Variants in SGCE observed in about 807,000 individuals in gnomAD.
SGCE encodes epsilon-sarcoglycan.
SGCE carries 26 observed loss-of-function variants against 57.8 expected under a neutral mutation model. The observed-to-expected ratio is 0.45, with a 90% CI of 0.33 to 0.62. The LOEUF (loss-of-function observed/expected upper bound fraction) is 0.62. Among genes scored for constraint, SGCE ranks in the 20% least tolerant of loss-of-function variants. The pLI, the probability that SGCE is intolerant of heterozygous loss-of-function variation, is 0.02. For missense variants in SGCE, 468 were observed against 548.6 expected, an observed-to-expected ratio of 0.85 and a Z score of 1.47; for synonymous variants, 183 against 189.5, an observed-to-expected ratio of 0.97 and a Z score of 0.28.
intron 3 of SGCE, chr7:94,626,931 A>G (rs1005367946): frequency 8.6e-5 from 13 of 152,040 alleles, no homozygotes; most frequent in Non-Finnish European, 1.8e-4. Flanking sequence ...CACTTTTTCC[A>G]TAACTATCAT....
chr7:94,603,237 A>T, intron 6 of SGCE, 53 bp downstream of exon 6: 1 of 1,448,462 alleles, frequency 6.9e-7, no homozygotes, highest in Non-Finnish European at 9.6e-7. Context: ...TCAAACGTTA[A>T]CTCCAGCCAC....
chr7:94,633,563 A>G (rs1005570466), intron 1 of SGCE, among the ~76,000 whole-genome samples: 25 of 151,952 alleles, frequency 1.6e-4, no homozygotes, highest in Admixed American at 1.5e-3. Context: ...CATTTCAACA[A>G]CTCTATATTA....
chr7:94,585,297 C>A lies in SGCE; in HGVS notation c.*202G>T. 2.0e-6 allele frequency: 1 copy of A among 490,216 alleles called. No individual in the cohort carries two copies. The highest frequency in any genetic ancestry group is 3.7e-6 in the Non-Finnish European group (1 of 273,956). The allele number at this position is 490,216 out of a possible 1,614,324, so 30.4% of individuals were successfully genotyped here. On this transcript the variant is annotated 3_prime_UTR_variant, in exon 11 of 11. Transcript: ENST00000648936. Reference sequence around the variant, plus strand: ...CAAATATAAAGTCATCAATGTTTTACAAATTGTCAAAAATGCTTTAAGTAC... The same window carrying A: ...CAAATATAAAGTCATCAATGTTTTAAAAATTGTCAAAAATGCTTTAAGTAC...
At chr7:94,599,559 A>G in intron 8 of SGCE, 138 bp downstream of exon 8, 1 of 738,694 alleles carries the variant, frequency 1.4e-6, no homozygotes, top group South Asian at 1.6e-5. Context: ...TCTATTTAGA[A>G]AGCAGCTTTC....
intron 1 of SGCE, among the ~76,000 whole-genome samples, chr7:94,635,466 C>CA (rs752278288): frequency 7.9e-5 from 12 of 152,040 alleles, no homozygotes; most frequent in Non-Finnish European, 1.3e-4. Flanking sequence ...TAAGTACTGA[C>CA]AAAAAATAAT....
At chr7:94,630,184 C>T (rs1257648073) in intron 1 of SGCE, among the ~76,000 whole-genome samples, 1 of 151,828 alleles carries the variant, frequency 6.6e-6, no homozygotes, top group Non-Finnish European at 1.5e-5. Flanking sequence ...CAACAAAATA[C>T]ATCATGAGAA....
At chr7:94,615,349 A>C (rs1317597918) in intron 5 of SGCE, among the ~76,000 whole-genome samples, 6 of 150,474 alleles carry the variant, frequency 4.0e-5, no homozygotes, top group African/African-American at 1.5e-4. Context: ...ACAGAGCAAG[A>C]CTCTGTCTCA....
rs933108911 is a variant in SGCE at position 94,612,746 on chromosome 7, T to C, written c.662+6012A>G. 3.3e-5 allele frequency among the ~76,000 whole-genome samples: 5 copies of C among 152,156 alleles called. No homozygotes were observed. In the East Asian group the frequency reaches 7.7e-4, roughly 23 times the overall value. ...GATCCATAAGCTTTTCAACTTAATA[T>C]GTTCCAAACTGAGCTCATCATTACC... is the stretch of plus-strand genomic sequence containing the variant. On this transcript the variant is annotated intron_variant, in intron 5 of 10. Transcript: ENST00000648936.
At chr7:94,603,580 G>A in intron 5 of SGCE, 128 bp from the exon 6 acceptor site, 2 of 804,428 alleles carry the variant, frequency 2.5e-6, no homozygotes, top group Non-Finnish European at 4.1e-6. Context: ...TGAGGTAGGG[G>A]CCTCGGCTCT....
chr7:94,629,613 C>G (rs1804347263), intron 2 of SGCE, 106 bp downstream of exon 2: 8 of 1,003,920 alleles, frequency 8.0e-6, no homozygotes, highest in East Asian at 2.5e-5. Context: ...ATATTTAGAC[C>G]ATTTGAAATA....
chr7:94,641,041 A>G (rs1288150152), intron 1 of SGCE: 1 of 152,318 alleles, frequency 6.6e-6, no homozygotes, highest in Non-Finnish European at 1.5e-5. Flanking sequence ...TAAATACATT[A>G]ACATATCAAA....
intron 5 of SGCE, among the ~76,000 whole-genome samples, chr7:94,604,029 T>C (rs1445286384): frequency 5.3e-5 from 8 of 152,150 alleles, no homozygotes; most frequent in African/African-American, 9.6e-5. Flanking sequence ...CAATCTTTTA[T>C]CTAAGACATT....
chr7:94,596,247 G>T (rs1003670389), intron 9 of SGCE, among the ~76,000 whole-genome samples: 1 of 152,056 alleles, frequency 6.6e-6, no homozygotes, highest in Admixed American at 6.6e-5. Flanking sequence ...TTGTATATTA[G>T]TAGCAACATT....
At chr7:94,590,327 A>T (rs1453670089) in intron 9 of SGCE, among the ~76,000 whole-genome samples, 1 of 152,184 alleles carries the variant, frequency 6.6e-6, no homozygotes, top group Non-Finnish European at 1.5e-5. Context: ...CTCTCTAAGC[A>T]ACCCACAAAT....
chr7:94,650,008 T>C (rs1807661751), intron 1 of SGCE, among the ~76,000 whole-genome samples: 1 of 152,154 alleles, frequency 6.6e-6, no homozygotes, highest in Non-Finnish European at 1.5e-5. Context: ...AGAAATCATA[T>C]TTTCAAAGTT....
intron 5 of SGCE, among the ~76,000 whole-genome samples, chr7:94,606,008 C>T (rs1042931324): frequency 1.3e-5 from 2 of 151,662 alleles, no homozygotes; most frequent in African/African-American, 4.8e-5. Flanking sequence ...TTTGTATTTT[C>T]GGTAGAGATG....
At chr7:94,636,579 G>T (rs1243406070) in intron 1 of SGCE, among the ~76,000 whole-genome samples, 1 of 152,158 alleles carries the variant, frequency 6.6e-6, no homozygotes, top group Non-Finnish European at 1.5e-5. Context: ...CCCTCAGCTT[G>T]CTCAAGTAGG....
chr7:94,641,804 G>T (rs74590043), intron 1 of SGCE, among the ~76,000 whole-genome samples: 21,487 of 151,372 alleles, frequency 0.14, 1,687 homozygotes, highest in Non-Finnish European at 0.18. Context: ...ATTATTATTA[G>T]TAGTAGTAGT....
chr7:94,618,461 T>G lies in SGCE; in HGVS notation c.662+297A>C, dbSNP rs951816202. 57 of 281,442 alleles carry G rather than the reference T, an allele frequency of 2.0e-4. 1 individual carries two copies. The highest frequency in any genetic ancestry group is 1.2e-3 in the Middle Eastern group (1 of 848). 17.4% of individuals were successfully genotyped at this position (281,442 alleles called of 1,614,324 possible). Reference sequence around the variant, plus strand: ...CTGGGGCGTCAATTTCCTTTGAAATTCATGGCCCTAAATAATCAGCTTCTT... The same window carrying G: ...CTGGGGCGTCAATTTCCTTTGAAATGCATGGCCCTAAATAATCAGCTTCTT... On this transcript the variant is annotated intron_variant, in intron 5 of 10. Coordinates refer to ENST00000648936, the MANE Select transcript of SGCE (RefSeq NM_003919.3).
Sources: allele counts gnomAD v4.1 joint callset (sites outside exome capture counted in the v4.1 genomes callset), GRCh38; gene constraint gnomAD v4.1.1; transcripts MANE v1.5; gene names NCBI Gene and HGNC (gene_info 2026-07-23, HGNC 2026-07-21).